Variants in XKR6 observed in about 807,000 individuals in gnomAD.
The protein encoded by XKR6 is XK related 6.
In XKR6, 22 loss-of-function variants were observed where a neutral mutation model predicts 56.7. That is an observed-to-expected ratio of 0.39 (90% CI 0.28 to 0.55). XKR6 has a LOEUF of 0.55. XKR6 is among the 20% of genes least tolerant of loss of function. The probability of loss-of-function intolerance (pLI) is 0.66; values close to 1 mark genes in which losing one functional copy is unlikely to be tolerated. For synonymous variants in XKR6, 524 were observed against 387.8 expected (o/e 1.35, Z -4.13); for missense variants, 852 against 889.0 (o/e 0.96, Z 0.53).
Position 10,960,769 on chromosome 8 carries a change from C to T in XKR6, c.765-35939G>A, listed in dbSNP as rs370976801. ...GAGGTATCATTCCCTCTCACTCCCT[C>T]ATCTAATCACCCTTTCACTCCTGCA... On this transcript the variant is annotated intron_variant, in intron 1 of 2. Coordinates refer to ENST00000416569, the MANE Select transcript of XKR6 (RefSeq NM_173683.4). 2.0e-5 allele frequency among the ~76,000 whole-genome samples: 3 copies of T among 152,330 alleles called. No homozygotes were observed. The East Asian group carries it at 5.8e-4, about 29-fold the overall frequency.
intron 1 of XKR6, among the ~76,000 whole-genome samples, chr8:11,096,361 G>C (rs1798262186): frequency 6.6e-6 from 1 of 152,188 alleles, no homozygotes. Flanking sequence ...TCAAAATTTG[G>C]TGGAACATTC....
intron 1 of XKR6, among the ~76,000 whole-genome samples, chr8:10,951,583 G>A (rs776516118): frequency 6.6e-6 from 1 of 152,210 alleles, no homozygotes; most frequent in Non-Finnish European, 1.5e-5. Context: ...GCACTTCCCC[G>A]GACTTCAGGG....
chr8:10,998,485 G>C (rs751212877), intron 1 of XKR6, among the ~76,000 whole-genome samples: 2 of 152,176 alleles, frequency 1.3e-5, no homozygotes, highest in African/African-American at 2.4e-5. Context: ...GGCCTGGTAA[G>C]AGCTCCACTT....
At chr8:11,184,157 T>C (rs184497779) in intron 1 of XKR6, among the ~76,000 whole-genome samples, 1 of 152,162 alleles carries the variant, frequency 6.6e-6, no homozygotes, top group Admixed American at 6.5e-5. Context: ...CAGAGTATAG[T>C]TTTATTCTAA....
chr8:11,080,905 C>A (rs1027323829), intron 1 of XKR6, among the ~76,000 whole-genome samples: 2 of 152,220 alleles, frequency 1.3e-5, no homozygotes, highest in African/African-American at 4.8e-5. Context: ...CCACTGTACA[C>A]ACGTGAAAAC....
intron 1 of XKR6, among the ~76,000 whole-genome samples, chr8:11,101,533 G>C (rs61484474): frequency 0.054 from 8,238 of 152,226 alleles, 741 homozygotes; most frequent in African/African-American, 0.19. Flanking sequence ...AACAAGGATG[G>C]AGAGATGGAA....
At chr8:11,044,706 C>A (rs988703212) in intron 1 of XKR6, among the ~76,000 whole-genome samples, 9 of 151,846 alleles carry the variant, frequency 5.9e-5, no homozygotes, top group African/African-American at 2.2e-4. Flanking sequence ...GCAACCTCTG[C>A]CTCCTGGGTT....
rs973888344 is a variant in XKR6, at chr8:10,983,848, G to T, written c.765-59018C>A. Among the ~76,000 whole-genome samples, 5 of 151,964 alleles carry T rather than the reference G, an allele frequency of 3.3e-5. No homozygotes were observed. In the East Asian group the frequency reaches 7.7e-4, roughly 24 times the overall value. On this transcript the variant is annotated intron_variant, in intron 1 of 2. Transcript: ENST00000416569. ...TTTTTTGTATTTTTCGTTGAGTTGG[G>T]GTTTCACCGTGTTAGCCAGGATGGT...
chr8:10,985,013 C>T (rs1797828548), intron 1 of XKR6, among the ~76,000 whole-genome samples: 1 of 151,866 alleles, frequency 6.6e-6, no homozygotes, highest in South Asian at 2.1e-4. Context: ...AATCTCAGCT[C>T]ACAGTAACCT....
At chr8:11,156,358 A>T (rs1223424263) in intron 1 of XKR6, among the ~76,000 whole-genome samples, 2 of 152,174 alleles carry the variant, frequency 1.3e-5, no homozygotes, top group Admixed American at 1.3e-4. Flanking sequence ...ATCTCATCCA[A>T]TGTAAAACTA....
chr8:10,899,862 T>C (rs1479138559), intron 2 of XKR6, among the ~76,000 whole-genome samples: 1 of 152,176 alleles, frequency 6.6e-6, no homozygotes, highest in Non-Finnish European at 1.5e-5. Flanking sequence ...TATATCCAAC[T>C]CTGACTACTT....
In XKR6 at chr8:10,897,846, T is replaced by C. The variant is rs1032266483; in HGVS notation, c.*106A>G. 5.7e-6 allele frequency: 8 copies of C among 1,401,586 alleles called. No homozygotes were observed. Among genetic ancestry groups the C allele is most frequent in the East Asian group, 2.4e-5 (1 of 42,422 alleles). 86.8% of individuals were successfully genotyped at this position (1,401,586 alleles called of 1,614,324 possible). A position where few individuals can be genotyped will look rare whatever the true frequency, so the allele number is the denominator to read the frequency against. On this transcript the variant is annotated 3_prime_UTR_variant, in exon 3 of 3. Transcript: ENST00000416569. ...GTTGGTGTGGCGGTGTTGGTGGTGG[T>C]GGCGGTGGTTCTGTGTATTGGGGGA... is the stretch of plus-strand genomic sequence containing the variant.
intron 1 of XKR6, among the ~76,000 whole-genome samples, chr8:11,019,648 G>T (rs1425357201): frequency 2.0e-5 from 3 of 152,214 alleles, no homozygotes; most frequent in Non-Finnish European, 4.4e-5. Context: ...TGTGGCAGCT[G>T]GCTCTGACCG....
intron 1 of XKR6, among the ~76,000 whole-genome samples, chr8:11,151,507 C>A (rs968968264): frequency 6.6e-6 from 1 of 152,126 alleles, no homozygotes. Flanking sequence ...TCAGTAAGAA[C>A]AGATGTAATA....
At chr8:10,980,010 C>G (rs1586385826) in intron 1 of XKR6, among the ~76,000 whole-genome samples, 1 of 152,366 alleles carries the variant, frequency 6.6e-6, no homozygotes, top group East Asian at 1.9e-4. Flanking sequence ...TGGCTCATGC[C>G]AAACCCTGAG....
At chr8:11,008,082 C>T (rs1017572275) in intron 1 of XKR6, among the ~76,000 whole-genome samples, 2 of 152,144 alleles carry the variant, frequency 1.3e-5, no homozygotes, top group African/African-American at 2.4e-5. Flanking sequence ...CAGTGAAGGA[C>T]CTCACCTGTG....
intron 1 of XKR6, among the ~76,000 whole-genome samples, chr8:11,172,915 G>A (rs908146151): frequency 3.3e-5 from 5 of 152,056 alleles, no homozygotes; most frequent in South Asian, 2.1e-4. Context: ...GGCTGGCAGC[G>A]GCGACACTGT....
At chr8:11,051,930 G>C (rs569920697) in intron 1 of XKR6, among the ~76,000 whole-genome samples, 1 of 152,200 alleles carries the variant, frequency 6.6e-6, no homozygotes, top group South Asian at 2.1e-4. Flanking sequence ...TGTTACAGAG[G>C]TGCGCGTGTG....
At chr8:10,924,930 C>CG (rs1239588847) in intron 1 of XKR6, 100 bp from the exon 2 acceptor site, 2 of 1,318,272 alleles carry the variant, frequency 1.5e-6, no homozygotes, top group African/African-American at 2.9e-5. Flanking sequence ...CAGCATCCCC[C>CG]CAACTCCCTA....
Sources: gnomAD v4.1 joint callset for allele counts (sites outside exome capture counted in the v4.1 genomes callset) on GRCh38, gnomAD v4.1.1 for gene constraint, MANE v1.5 for transcripts, NCBI Gene and HGNC (gene_info 2026-07-23, HGNC 2026-07-21) for gene names.